The following MARCHF2 variants were observed in gnomAD, a reference collection of about 807,000 sequenced individuals.
MARCHF2 encodes the protein E3 ubiquitin-protein ligase MARCHF2.
In MARCHF2, 22 loss-of-function variants were observed where a neutral mutation model predicts 24.0. That is an observed-to-expected ratio of 0.92 (90% CI 0.66 to 1.31). The LOEUF (loss-of-function observed/expected upper bound fraction) is 1.31. Among genes scored for constraint, MARCHF2 ranks in the 50% most tolerant of loss-of-function variants. The pLI is 0.00. For synonymous variants in MARCHF2, 154 were observed against 153.0 expected, an observed-to-expected ratio of 1.01 and a Z score of -0.05; for missense variants, 301 against 335.3, an observed-to-expected ratio of 0.90 and a Z score of 0.80.
chr19:8,424,216 T>C (rs1358154027), intron 2 of MARCHF2, among the ~76,000 whole-genome samples: 1 of 152,082 alleles, frequency 6.6e-6, no homozygotes. Flanking sequence ...CTGGAGACTT[T>C]TCCGAGGCAG....
intron 4 of MARCHF2, among the ~76,000 whole-genome samples, chr19:8,432,155 C>G (rs1238860708): frequency 6.6e-6 from 1 of 151,494 alleles, no homozygotes; most frequent in African/African-American, 2.4e-5. Flanking sequence ...GAGATTCTGT[C>G]TTTAAAAAAA....
intron 2 of MARCHF2, among the ~76,000 whole-genome samples, chr19:8,422,287 G>A (rs541843884): frequency 6.6e-6 from 1 of 152,146 alleles, no homozygotes; most frequent in Non-Finnish European, 1.5e-5. Flanking sequence ...AGGCAGTATA[G>A]GGGGCGGTCA....
chr19:8,438,471 C>G lies in MARCHF2; in HGVS notation c.666C>G (p.Asp222Glu). Reference protein sequence around the residue: ...QKVRLKIREADSPEGPQHSPL... With the variant: ...QKVRLKIREAESPEGPQHSPL... ...TTCGCCTGAAGATCCGGGAGGCGGA[C>G]AGCCCCGAGGGCCCCCAGCATTCTC... Residue 222 changes from aspartate to glutamate, a missense_variant, in exon 5 of 5, where the codon GAC becomes GAG. By Grantham distance (45) the Asp-to-Glu change is conservative. Coordinates refer to ENST00000215555, the MANE Select transcript of MARCHF2 (RefSeq NM_001005415.2). 2 of 1,614,138 alleles carry G rather than the reference C, an allele frequency of 1.2e-6. No individual in the cohort carries two copies. Among genetic ancestry groups the G allele is most frequent in the Non-Finnish European group, 1.7e-6 (2 of 1,180,020 alleles).
At chr19:8,425,829 C>T (rs1967383768) in intron 2 of MARCHF2, among the ~76,000 whole-genome samples, 1 of 149,562 alleles carries the variant, frequency 6.7e-6, no homozygotes, top group African/African-American at 2.4e-5. Context: ...GTTGGCCAGG[C>T]TGGTCTTGAA....
intron 4 of MARCHF2, among the ~76,000 whole-genome samples, chr19:8,437,805 C>T (rs1226929115): frequency 6.6e-6 from 1 of 150,924 alleles, no homozygotes; most frequent in Non-Finnish European, 1.5e-5. Flanking sequence ...AGTGCAGTGG[C>T]GTGATTTCGG....
intron 3 of MARCHF2, among the ~76,000 whole-genome samples, chr19:8,429,487 T>TA (rs1967516829): frequency 2.1e-5 from 1 of 46,996 alleles, no homozygotes; most frequent in Non-Finnish European, 4.2e-5. Context: ...AACTTATTAT[T>TA]ATTATTATTA....
intron 1 of MARCHF2, among the ~76,000 whole-genome samples, chr19:8,419,913 C>T (rs1967186719): frequency 6.7e-6 from 1 of 149,796 alleles, no homozygotes. Flanking sequence ...AATCCTAGCA[C>T]TTTGGGAGGC....
rs187049241 is a variant in MARCHF2, at chr19:8,416,996, T to C, written c.-53+3576T>C. ...GCTTGGCATAGTGTCTGGTTCTTAA[T>C]AGATAGAAGCTGCTAGTATAATTTT... On this transcript the variant is annotated intron_variant, in intron 1 of 4. Transcript: ENST00000215555. Among the ~76,000 whole-genome samples the C allele has an allele frequency of 1.5e-4, 23 of 152,148 alleles. No individual in the cohort carries two copies. In the East Asian group the frequency reaches 3.9e-3, roughly 26 times the overall value.
intron 4 of MARCHF2, among the ~76,000 whole-genome samples, chr19:8,436,420 A>G (rs1265726379): frequency 6.6e-6 from 1 of 152,094 alleles, no homozygotes; most frequent in Non-Finnish European, 1.5e-5. Flanking sequence ...GGTGTGAGCC[A>G]CTGCACCCAG....
At chr19:8,437,443 C>T (rs903170083) in intron 4 of MARCHF2, among the ~76,000 whole-genome samples, 11 of 151,088 alleles carry the variant, frequency 7.3e-5, no homozygotes, top group African/African-American at 2.7e-4. Flanking sequence ...GCTCTGCCTC[C>T]CAGGTTCACA....
chr19:8,438,634 C>G lies in MARCHF2; in HGVS notation c.*88C>G. The G allele has an allele frequency of 7.0e-7, 1 of 1,423,788 alleles. No homozygotes were observed. The highest frequency in any genetic ancestry group is 1.3e-5 in the South Asian group (1 of 77,006). The allele number at this position is 1,423,788 out of a possible 1,614,324, so 88.2% of individuals were successfully genotyped here. A position where few individuals can be genotyped will look rare whatever the true frequency, so the allele number is the denominator to read the frequency against. On this transcript the variant is annotated 3_prime_UTR_variant, in exon 5 of 5. Transcript: ENST00000215555. ...TGGAAGGACTTCCACTTCAACACTT[C>G]CACTTCAACAGTTCCCGCACGGCCT...
intron 1 of MARCHF2, among the ~76,000 whole-genome samples, chr19:8,414,683 T>G (rs1176407406): frequency 2.0e-5 from 3 of 152,174 alleles, no homozygotes; most frequent in Non-Finnish European, 4.4e-5. Flanking sequence ...CTCTGCCCTC[T>G]GTTTCCTACC....
At chr19:8,434,950 C>T (rs1967674085) in intron 4 of MARCHF2, among the ~76,000 whole-genome samples, 1 of 152,032 alleles carries the variant, frequency 6.6e-6, no homozygotes, top group South Asian at 2.1e-4. Context: ...AGGTGATCTG[C>T]CCACCTTGGC....
chr19:8,421,111 CCT>C (rs1313290035), intron 1 of MARCHF2, among the ~76,000 whole-genome samples: 1 of 151,400 alleles, frequency 6.6e-6, no homozygotes, highest in Admixed American at 6.6e-5. Context: ...GCCTAGCTTT[CCT>C]GTTTTTTTTG....
chr19:8,438,472 A>G lies in MARCHF2; in HGVS notation c.667A>G (p.Ser223Gly), dbSNP rs746709550. 15 of 1,614,050 alleles carry G rather than the reference A, an allele frequency of 9.3e-6. No homozygotes were observed. The highest frequency in any genetic ancestry group is 2.7e-5 in the African/African-American group (2 of 74,944). ...TCGCCTGAAGATCCGGGAGGCGGAC[A>G]GCCCCGAGGGCCCCCAGCATTCTCC... is the stretch of plus-strand genomic sequence containing the variant. Reference protein sequence around the residue: ...KVRLKIREADSPEGPQHSPLA... With the variant: ...KVRLKIREADGPEGPQHSPLA... Residue 223 changes from serine (S) to glycine (G), a missense_variant, in exon 5 of 5, where the codon AGC (serine) becomes GGC (glycine). Transcript: ENST00000215555.
Position 8,430,302 on chromosome 19 carries a change from G to A in MARCHF2, c.373-356G>A, listed in dbSNP as rs981952830. On this transcript the variant is annotated intron_variant, in intron 3 of 4. Transcript: ENST00000215555. The surrounding 1 kb of genome is among the most constrained non-coding windows in gnomAD (Gnocchi z 4.4). ...CGCTTGAACCTGGGATGTTGAGGTT[G>A]CAGTGAGCCGAGATCGTGCCACGGC... Among the ~76,000 whole-genome samples, 1 of 152,130 alleles carries A rather than the reference G, an allele frequency of 6.6e-6. No individual in the cohort carries two copies. Among genetic ancestry groups the A allele is most frequent in the African/African-American group, 2.4e-5 (1 of 41,444 alleles).
chr19:8,414,774 G>A (rs1177139093), intron 1 of MARCHF2, among the ~76,000 whole-genome samples: 2 of 152,138 alleles, frequency 1.3e-5, no homozygotes, highest in Non-Finnish European at 2.9e-5. Flanking sequence ...CTAAGGGTGA[G>A]CTTTACTGGA....
At chr19:8,436,580 T>G (rs1046024408) in intron 4 of MARCHF2, among the ~76,000 whole-genome samples, 12 of 152,064 alleles carry the variant, frequency 7.9e-5, no homozygotes, top group Admixed American at 3.9e-4. Flanking sequence ...TTCCAGAATG[T>G]CCTATAGTTG....
chr19:8,425,588 A>G (rs1187415706), intron 2 of MARCHF2, among the ~76,000 whole-genome samples: 1 of 149,386 alleles, frequency 6.7e-6, no homozygotes, highest in East Asian at 2.0e-4. Context: ...GGTCATGAGG[A>G]GTGTTGTCTG....
Sources: allele counts gnomAD v4.1 joint callset (sites outside exome capture counted in the v4.1 genomes callset), GRCh38; gene constraint gnomAD v4.1.1; non-coding constraint Gnocchi (gnomAD v3.1); transcripts MANE v1.5; gene names NCBI Gene and HGNC (gene_info 2026-07-23, HGNC 2026-07-21).